The following PTPN3 variants were observed in gnomAD, a reference collection of about 807,000 sequenced individuals.
The protein encoded by PTPN3 is protein tyrosine phosphatase non-receptor type 3.
A neutral mutation model predicts 132.7 loss-of-function variants in PTPN3; 96 were observed. That is an observed-to-expected ratio of 0.72 (90% CI 0.61 to 0.86). The LOEUF is 0.86. Among genes scored for constraint, PTPN3 ranks in the 40% least tolerant of loss-of-function variants. The pLI, the probability that PTPN3 is intolerant of heterozygous loss-of-function variation, is 0.00. For synonymous variants in PTPN3, 398 were observed against 429.0 expected (o/e 0.93, Z 0.89); for missense variants, 1,125 against 1,159.6 (o/e 0.97, Z 0.43).
At chr9:109,411,697 T>C (rs1053481162) in intron 14 of PTPN3, among the ~76,000 whole-genome samples, 1 of 152,232 alleles carries the variant, frequency 6.6e-6, no homozygotes, top group Non-Finnish European at 1.5e-5. Context: ...CCCTTATCCA[T>C]GGATTTTTTA....
In PTPN3 at chr9:109,422,791, G is replaced by A. The variant is rs757816656; in HGVS notation, c.1063C>T (p.Arg355Trp). 41 of 1,611,188 alleles carry A rather than the reference G, an allele frequency of 2.5e-5. No individual in the cohort carries two copies. The highest frequency in any genetic ancestry group is 5.5e-5 in the South Asian group (5 of 91,004). Reference sequence around the variant, plus strand: ...AAGTGCTCCACTGATAAGGATCTCCGCATGGCTGGGTTCCACACCATCCCG... The same window carrying A: ...AAGTGCTCCACTGATAAGGATCTCCACATGGCTGGGTTCCACACCATCCCG... The part of the protein sequence containing the change: ...IGGMVWNPAM[R>W]RSLSVEHLET... The change falls in exon 13 of 26, where the codon CGG becomes TGG. Residue 355 changes from arginine (R) to tryptophan (W), a missense_variant. Physicochemically the swap from Arg to Trp is moderately radical, Grantham distance 101 (BLOSUM62 -3). Transcript: ENST00000374541.
chr9:109,432,578 CG>C (rs970050690), intron 10 of PTPN3, among the ~76,000 whole-genome samples: 3 of 152,144 alleles, frequency 2.0e-5, no homozygotes, highest in Non-Finnish European at 4.4e-5. Context: ...ACGAGTAATG[CG>C]GGACAGGCTG....
chr9:109,449,859 C>T, intron 5 of PTPN3: 2 of 985,358 alleles, frequency 2.0e-6, no homozygotes, highest in South Asian at 9.4e-5. Context: ...AAGGAACTGG[C>T]TTTTTGAGAT....
At chr9:109,381,953 C>T (rs911175535) in intron 24 of PTPN3, among the ~76,000 whole-genome samples, 166 bp from the exon 25 acceptor site, 5 of 152,184 alleles carry the variant, frequency 3.3e-5, no homozygotes, top group African/African-American at 4.8e-5. Context: ...ACAGCCTGTC[C>T]TCACACATCT....
chr9:109,502,807 T>A (rs117607731), upstream of PTPN3, among the ~76,000 whole-genome samples: 1 of 152,178 alleles, frequency 6.6e-6, no homozygotes, highest in African/African-American at 2.4e-5. Flanking sequence ...TAAATAAATA[T>A]GAAATTGCCA....
chr9:109,392,414 G>A lies in PTPN3; in HGVS notation c.1954-853C>T, dbSNP rs77691322. Among the ~76,000 whole-genome samples the A allele has an allele frequency of 4.9e-4, 74 of 151,394 alleles. 1 individual carries two copies. In the East Asian group the frequency reaches 0.013, roughly 27 times the overall value. On this transcript the variant is annotated intron_variant, in intron 19 of 25. Coordinates refer to ENST00000374541, the MANE Select transcript of PTPN3 (RefSeq NM_002829.4). ...TTTTGCGGAAAATTTGGGAAATTCAGACTAATATAAAGAAAAAAATTATCA... is the reference window on the plus strand; with the variant it reads ...TTTTGCGGAAAATTTGGGAAATTCAAACTAATATAAAGAAAAAAATTATCA...
intron 5 of PTPN3, among the ~76,000 whole-genome samples, chr9:109,452,141 G>A (rs1027580880): frequency 2.6e-5 from 4 of 151,834 alleles, no homozygotes; most frequent in African/African-American, 7.3e-5. Context: ...GATGGCACAC[G>A]CCTGTAGTCC....
At chr9:109,458,189 A>G (rs1845662712) in intron 2 of PTPN3, among the ~76,000 whole-genome samples, 1 of 152,186 alleles carries the variant, frequency 6.6e-6, no homozygotes, top group African/African-American at 2.4e-5. Context: ...TGGACACCCA[A>G]CGGGACCACA....
At chr9:109,533,749 TGGGA>T in the PTPN3 span, 1 of 1,433,224 alleles carries the variant, frequency 7.0e-7, no homozygotes, top group Non-Finnish European at 9.5e-7. Context: ...TGTAGGAAGG[TGGGA>T]ACCTTCACCT....
intron 10 of PTPN3, among the ~76,000 whole-genome samples, chr9:109,429,802 A>G (rs1280671413): frequency 6.6e-6 from 1 of 152,186 alleles, no homozygotes; most frequent in Non-Finnish European, 1.5e-5. Flanking sequence ...TGTAATCCAT[A>G]CAAAGGGTGC....
chr9:109,402,274 C>T (rs557640089), intron 19 of PTPN3, among the ~76,000 whole-genome samples: 1 of 127,938 alleles, frequency 7.8e-6, no homozygotes, highest in Non-Finnish European at 1.9e-5. Context: ...GAGAAGATAA[C>T]CTCTACATTT....
intron 19 of PTPN3, among the ~76,000 whole-genome samples, chr9:109,397,377 T>C (rs1840689950): frequency 6.6e-6 from 1 of 152,246 alleles, no homozygotes; most frequent in Non-Finnish European, 1.5e-5. Flanking sequence ...GCCAACCATG[T>C]GAATAAAGCA....
intron 14 of PTPN3, among the ~76,000 whole-genome samples, chr9:109,412,140 T>G (rs1372660284): frequency 1.3e-5 from 2 of 152,198 alleles, no homozygotes; most frequent in Non-Finnish European, 2.9e-5. Flanking sequence ...TTTCCAGTTC[T>G]CGTTCTGTCT....
intron 1 of PTPN3, among the ~76,000 whole-genome samples, chr9:109,479,290 A>G (rs577977888): frequency 1.3e-5 from 2 of 152,284 alleles, no homozygotes; most frequent in Middle Eastern, 3.4e-3. Flanking sequence ...GTATTTGTCT[A>G]TTTGAGTCTG....
At chr9:109,486,057 G>A (rs1847191232) in intron 1 of PTPN3, among the ~76,000 whole-genome samples, 1 of 152,212 alleles carries the variant, frequency 6.6e-6, no homozygotes. Flanking sequence ...ACTGAAGACA[G>A]GTCTGCAGGA....
At chr9:109,467,493 G>A (rs749592700) in intron 1 of PTPN3, among the ~76,000 whole-genome samples, 9 of 152,188 alleles carry the variant, frequency 5.9e-5, no homozygotes, top group Non-Finnish European at 1.0e-4. Context: ...ACCTCAGGGT[G>A]TGTTTTGGAT....
At chr9:109,476,938 T>C (rs1217765846) in intron 1 of PTPN3, among the ~76,000 whole-genome samples, 1 of 152,196 alleles carries the variant, frequency 6.6e-6, no homozygotes, top group Non-Finnish European at 1.5e-5. Context: ...GATTTCCAAG[T>C]ATTTTTACAC....
chr9:109,470,211 G>A (rs978177803), intron 1 of PTPN3, among the ~76,000 whole-genome samples: 1 of 152,124 alleles, frequency 6.6e-6, no homozygotes, highest in African/African-American at 2.4e-5. Flanking sequence ...GCAGACACAT[G>A]CTTCATTCAT....
intron 1 of PTPN3, among the ~76,000 whole-genome samples, chr9:109,494,200 G>A (rs1023914140): frequency 2.6e-4 from 40 of 152,220 alleles, no homozygotes; most frequent in African/African-American, 7.0e-4. Flanking sequence ...GGCTGGGTGC[G>A]GTGGCTCACG....
Sources: allele counts gnomAD v4.1 joint callset (sites outside exome capture counted in the v4.1 genomes callset), GRCh38; gene constraint gnomAD v4.1.1; transcripts MANE v1.5; gene names NCBI Gene and HGNC (gene_info 2026-07-23, HGNC 2026-07-21).